LRRC18: variants seen among roughly 807,000 people sequenced by gnomAD.
LRRC18 encodes leucine rich repeat containing 18.
In LRRC18, 12 loss-of-function variants were observed where a neutral mutation model predicts 11.2. The observed-to-expected ratio is 1.07, with a 90% CI of 0.69 to 1.74. The LOEUF (loss-of-function observed/expected upper bound fraction) is 1.74. Among genes scored for constraint, LRRC18 ranks in the 40% most tolerant of loss-of-function variants. The probability of loss-of-function intolerance (pLI) is 0.00; values close to 1 mark genes in which losing one functional copy is unlikely to be tolerated. For synonymous variants in LRRC18, 155 were observed against 130.6 expected (o/e 1.19, Z -1.27); for missense variants, 374 against 330.5 (o/e 1.13, Z -1.02).
intron 1 of LRRC18, among the ~76,000 whole-genome samples, chr10:48,912,639 T>C (rs1414309031): frequency 1.3e-5 from 2 of 152,204 alleles, no homozygotes; most frequent in African/African-American, 4.8e-5. Flanking sequence ...CTGAGTAAGG[T>C]GTTGATTTAT....
upstream of LRRC18, among the ~76,000 whole-genome samples, chr10:48,919,004 GC>G (rs1325985715): frequency 6.6e-6 from 1 of 152,104 alleles, no homozygotes; most frequent in Non-Finnish European, 1.5e-5. Flanking sequence ...ACTCTACCTA[GC>G]AACTGCAGAA....
At chr10:48,917,580 G>A (rs1376360703), upstream of LRRC18, among the ~76,000 whole-genome samples, 1 of 152,220 alleles carries the variant, frequency 6.6e-6, no homozygotes, top group African/African-American at 2.4e-5. Flanking sequence ...GGCCAGAGGT[G>A]CTGGAAACAT....
In LRRC18 at chr10:48,913,950, AT is replaced by A; in HGVS notation, c.205del (p.Ile69SerfsTer17). The A allele has an allele frequency of 6.2e-7, 1 of 1,614,070 alleles. No individual in the cohort carries two copies. ...CCACCGGAGGTTCTGGAACTTGGAG[AT>A]GGAGTCAGGGATCTTCCTGATAAGA... On this transcript the variant is annotated frameshift_variant, in exon 1 of 2. Coordinates refer to ENST00000374160, the Ensembl canonical transcript of LRRC18. LOFTEE classifies it high-confidence loss of function.
rs781400076 is a variant in LRRC18 at position 48,913,678 on chromosome 10, G to A, written c.478C>T (p.Pro160Ser). The A allele has an allele frequency of 5.6e-6, 9 of 1,613,418 alleles. No individual in the cohort carries two copies. The Admixed American group carries it at 1.2e-4, about 21-fold the overall frequency. Residue 160 changes from proline to serine, a missense_variant, in exon 1 of 2, where the codon CCC (proline) becomes TCC (serine). Physicochemically the swap from Pro to Ser is moderately conservative, Grantham distance 74. Transcript: ENST00000374160. Reference sequence around the variant, plus strand: ...TTGGGGAGCTTGGAGATGCTCACGGGGATGTTGTTCAGTAGGTTGTCATGG... The same window carrying A: ...TTGGGGAGCTTGGAGATGCTCACGGAGATGTTGTTCAGTAGGTTGTCATGG...
rs146854292 is a variant in LRRC18 at position 48,913,602 on chromosome 10, G to A, written c.554C>T (p.Ser185Leu). Residue 185 changes from serine (S) to leucine (L), a missense_variant, in exon 1 of 2, where the codon TCG becomes TTG. Coordinates refer to ENST00000374160, the Ensembl canonical transcript of LRRC18. ...CCTGATGGAGTCTATGAATATTTCCGACTCACCTGGCTTTGGAAAGGGGTT... is the reference window on the plus strand; with the variant it reads ...CCTGATGGAGTCTATGAATATTTCCAACTCACCTGGCTTTGGAAAGGGGTT... The A allele has an allele frequency of 2.0e-4, 329 of 1,613,858 alleles. No individual in the cohort carries two copies. The highest frequency in any genetic ancestry group is 3.0e-4 in the Admixed American group (18 of 59,986).
the LRRC18 span, among the ~76,000 whole-genome samples, chr10:48,930,048 T>G: frequency 6.6e-6 from 1 of 152,130 alleles, no homozygotes; most frequent in East Asian, 1.9e-4. Flanking sequence ...CCAAGACACA[T>G]GGCCTGTCTG....
the LRRC18 span, among the ~76,000 whole-genome samples, chr10:48,924,000 G>A: frequency 6.6e-6 from 1 of 152,222 alleles, no homozygotes; most frequent in Non-Finnish European, 1.5e-5. Flanking sequence ...GAATGGTGAT[G>A]AGGAAGCAGC....
At chr10:48,914,867 A>G (rs539233236), upstream of LRRC18, among the ~76,000 whole-genome samples, 1 of 152,288 alleles carries the variant, frequency 6.6e-6, no homozygotes, top group Admixed American at 6.5e-5. Context: ...ATGAGCACAC[A>G]GGGGGATGGG....
chr10:48,926,245 C>T, the LRRC18 span, among the ~76,000 whole-genome samples: 1 of 152,204 alleles, frequency 6.6e-6, no homozygotes, highest in African/African-American at 2.4e-5. Context: ...AGGCCACTAG[C>T]CCCTCCATGG....
In LRRC18 at chr10:48,910,189, C is replaced by T. The variant is rs78289845; in HGVS notation, c.*48G>A. On this transcript the variant is annotated 3_prime_UTR_variant, in exon 2 of 2. Transcript: ENST00000374160. The stretch of plus-strand genomic sequence containing the variant: ...ACTGGGGGCTTCTCCTCTTCAGAGT[C>T]GTTTATTCTGTTAGCTGAGTAGTCT... 1.6e-3 allele frequency: 2,377 copies of T among 1,478,436 alleles called. 47 individuals carry two copies. In the African/African-American group the frequency reaches 0.026, roughly 16 times the overall value. 91.6% of individuals were successfully genotyped at this position (1,478,436 alleles called of 1,614,324 possible).
chr10:48,923,358 T>C, the LRRC18 span, among the ~76,000 whole-genome samples: 329 of 151,876 alleles, frequency 2.2e-3, 1 homozygote, highest in African/African-American at 7.7e-3. Context: ...AAGAGATGAA[T>C]TGAGATCAAG....
chr10:48,930,910 A>T, the LRRC18 span, among the ~76,000 whole-genome samples: 1 of 152,180 alleles, frequency 6.6e-6, no homozygotes, highest in African/African-American at 2.4e-5. Flanking sequence ...CCCCATACCC[A>T]GAAAAGAGGA....
Position 48,913,576 on chromosome 10 carries a change from T to G in LRRC18, c.580A>C (p.Arg194=), listed in dbSNP as rs760844372. Reference sequence around the variant, plus strand: ...TCCACAACATACAAGTTCTCCAGCCTCCTGATGGAGTCTATGAATATTTCC... The same window carrying G: ...TCCACAACATACAAGTTCTCCAGCCGCCTGATGGAGTCTATGAATATTTCC... The change falls in exon 1 of 2, where the codon AGG becomes CGG. Residue 194 remains arginine (R), a synonymous_variant. Coordinates refer to ENST00000374160, the Ensembl canonical transcript of LRRC18. 1.9e-6 allele frequency: 3 copies of G among 1,613,818 alleles called. No homozygotes were observed. In the African/African-American group the frequency reaches 4.0e-5, roughly 22 times the overall value.
upstream of LRRC18, among the ~76,000 whole-genome samples, chr10:48,916,154 G>A (rs557138810): frequency 6.6e-6 from 1 of 152,250 alleles, no homozygotes; most frequent in African/African-American, 2.4e-5. Flanking sequence ...TCAAAGTAAA[G>A]ACCAATCTGG....
At chr10:48,938,047 A>G in the LRRC18 span, among the ~76,000 whole-genome samples, 1 of 152,222 alleles carries the variant, frequency 6.6e-6, no homozygotes, top group African/African-American at 2.4e-5. Flanking sequence ...CACACGCATC[A>G]GCAGGCCTGT....
the LRRC18 span, among the ~76,000 whole-genome samples, chr10:48,920,823 G>A: frequency 3.3e-5 from 5 of 152,180 alleles, no homozygotes; most frequent in Admixed American, 3.3e-4. Context: ...TAGGATACAA[G>A]GTTAGCACAC....
chr10:48,913,778 C>T (rs1174662333), exon 1 of LRRC18: 1 of 1,613,966 alleles, frequency 6.2e-7, no homozygotes, highest in Non-Finnish European at 8.5e-7. Flanking sequence ...AGCCTAGGTT[C>T]ACAGCGCGGA....
At chr10:48,914,946 T>C (rs1213945100), upstream of LRRC18, among the ~76,000 whole-genome samples, 1 of 152,174 alleles carries the variant, frequency 6.6e-6, no homozygotes, top group Non-Finnish European at 1.5e-5. Flanking sequence ...TCCTTCACAC[T>C]GGACTTCAAC....
chr10:48,933,342 C>T, the LRRC18 span, among the ~76,000 whole-genome samples: 2 of 152,162 alleles, frequency 1.3e-5, no homozygotes, highest in African/African-American at 4.8e-5. Context: ...GATGAAACAC[C>T]CAGGGCCTAG....
Sources: gnomAD v4.1 joint callset for allele counts (sites outside exome capture counted in the v4.1 genomes callset) on GRCh38, gnomAD v4.1.1 for gene constraint, MANE v1.5 for transcripts, NCBI Gene and HGNC (gene_info 2026-07-23, HGNC 2026-07-21) for gene names.